PCBP3: variants seen among roughly 807,000 people sequenced by gnomAD.
PCBP3 encodes the protein poly(rC) binding protein 3, also known as poly(rC)-binding protein 3.
A neutral mutation model predicts 52.7 loss-of-function variants in PCBP3; 25 were observed. The ratio of observed to expected loss-of-function variants is 0.47; its 90% CI spans 0.35 to 0.66. PCBP3 has a LOEUF of 0.66. Ranked by LOEUF, PCBP3 falls within the 30% of genes least tolerant of loss-of-function variation. PCBP3 has a pLI of 0.01. For synonymous variants in PCBP3, 162 were observed against 183.0 expected, an observed-to-expected ratio of 0.89 and a Z score of 0.93; for missense variants, 391 against 490.3, an observed-to-expected ratio of 0.80 and a Z score of 1.91.
At chr21:45,891,591 C>T (rs1603470134) in intron 5 of PCBP3, among the ~76,000 whole-genome samples, 1 of 151,976 alleles carries the variant, frequency 6.6e-6, no homozygotes, top group Non-Finnish European at 1.5e-5. Context: ...GGAGTGGGAG[C>T]ACGGACCACA....
rs551686691 is a variant in PCBP3, at chr21:45,809,384, T to C, written c.-125-40577T>C. On this transcript the variant is annotated intron_variant, in intron 4 of 17. Transcript: ENST00000681687. ...CCACTCCACGCATTTAAAGAGAGCATGTTGAGTACAGAGAGTTGATTAGAA... is the reference window on the plus strand; with the variant it reads ...CCACTCCACGCATTTAAAGAGAGCACGTTGAGTACAGAGAGTTGATTAGAA... Among the ~76,000 whole-genome samples, 10 of 152,270 alleles carry C rather than the reference T, an allele frequency of 6.6e-5. No individual in the cohort carries two copies. In the South Asian group the frequency reaches 1.7e-3, roughly 25 times the overall value.
chr21:45,676,993 C>T (rs1569106019), intron 2 of PCBP3, among the ~76,000 whole-genome samples: 3 of 151,936 alleles, frequency 2.0e-5, no homozygotes, highest in African/African-American at 4.8e-5. Flanking sequence ...AGCTGGTCTC[C>T]AACTCTTGGC....
rs544295806 is a variant in PCBP3 at position 45,725,449 on chromosome 21, G to A, written c.-199-9943G>A. ...TGGAGGCACAGATGCCCTGGGCCTC[G>A]CAGCAAGCTTATCCTTAACAACCCA... On this transcript the variant is annotated intron_variant, in intron 2 of 17. Transcript: ENST00000681687. Among the ~76,000 whole-genome samples, 5 of 152,326 alleles carry A rather than the reference G, an allele frequency of 3.3e-5. No homozygotes were observed. In the South Asian group the frequency reaches 8.3e-4, roughly 25 times the overall value.
intron 4 of PCBP3, among the ~76,000 whole-genome samples, chr21:45,824,385 G>A (rs188169348): frequency 4.3e-4 from 66 of 152,332 alleles, no homozygotes; most frequent in African/African-American, 1.4e-3. Flanking sequence ...AGGGCATCAG[G>A]CAAGTCATGT....
At chr21:45,882,551 C>T (rs1377046248) in intron 5 of PCBP3, among the ~76,000 whole-genome samples, 3 of 151,984 alleles carry the variant, frequency 2.0e-5, no homozygotes, top group Non-Finnish European at 4.4e-5. Flanking sequence ...CTACTTTCTG[C>T]TTTTGTTGCC....
chr21:45,874,480 A>C (rs114967830), intron 5 of PCBP3, among the ~76,000 whole-genome samples: 2,821 of 147,114 alleles, frequency 0.019, 85 homozygotes, highest in African/African-American at 0.067. Context: ...TGATGGCCTT[A>C]TACATGGTAT....
Position 45,821,945 on chromosome 21 carries a change from A to C in PCBP3, c.-125-28016A>C, listed in dbSNP as rs1300574872. On this transcript the variant is annotated intron_variant, in intron 4 of 17. Coordinates refer to ENST00000681687, the MANE Select transcript of PCBP3 (RefSeq NM_001384156.1). The surrounding 1 kb of genome is among the most constrained non-coding windows in gnomAD (Gnocchi z 4.4). ...CGACACCTGCTCTCATCATTTTCCTACCTTCTCTTTCCTGACAACTTAGCT... is the reference window on the plus strand; with the variant it reads ...CGACACCTGCTCTCATCATTTTCCTCCCTTCTCTTTCCTGACAACTTAGCT... Among the ~76,000 whole-genome samples the C allele has an allele frequency of 6.6e-6, 1 of 152,030 alleles. No homozygotes were observed. The highest frequency in any genetic ancestry group is 6.6e-5 in the Admixed American group (1 of 15,264).
rs756792456 is a variant in PCBP3 at position 45,724,747 on chromosome 21, C to T, written c.-199-10645C>T. On this transcript the variant is annotated intron_variant, in intron 2 of 17. Transcript: ENST00000681687. The surrounding 1 kb of genome is among the most constrained non-coding windows in gnomAD (Gnocchi z 5.3). Reference sequence around the variant, plus strand: ...TGGAGTGGCACTCTGTAACCCGCCCCCCCTCAGCTGGAGTGGCACTCTGTT... The same window carrying T: ...TGGAGTGGCACTCTGTAACCCGCCCTCCCTCAGCTGGAGTGGCACTCTGTT... 1.3e-5 allele frequency among the ~76,000 whole-genome samples: 2 copies of T among 151,832 alleles called. No individual in the cohort carries two copies. Among genetic ancestry groups the T allele is most frequent in the Non-Finnish European group, 2.9e-5 (2 of 67,946 alleles).
At chr21:45,896,181 A>G (rs1368617200) in intron 5 of PCBP3, 27 bp from the exon 6 acceptor site, 6 of 1,549,172 alleles carry the variant, frequency 3.9e-6, no homozygotes, top group Non-Finnish European at 4.4e-6. Context: ...ACTCTTCTCT[A>G]GCAGCAGCTG....
chr21:45,646,146 T>TGTGTGTGTGTG (rs1569070571), intron 1 of PCBP3, among the ~76,000 whole-genome samples: 13 of 148,110 alleles, frequency 8.8e-5, no homozygotes, highest in South Asian at 4.3e-4. Flanking sequence ...TGTGTGTGTG[T>TGTGTGTGTGTG]TTTGGGGCAG....
intron 5 of PCBP3, among the ~76,000 whole-genome samples, chr21:45,879,454 G>A (rs2095348060): frequency 6.6e-6 from 1 of 152,172 alleles, no homozygotes; most frequent in Admixed American, 6.5e-5. Flanking sequence ...ATAGAAAAAG[G>A]ACTGGGAGAA....
At chr21:45,775,029 T>C (rs926495860) in intron 4 of PCBP3, among the ~76,000 whole-genome samples, 2 of 152,190 alleles carry the variant, frequency 1.3e-5, no homozygotes, top group Non-Finnish European at 2.9e-5. Context: ...CCTTGTAGAA[T>C]GAATTAGGAA....
intron 5 of PCBP3, among the ~76,000 whole-genome samples, chr21:45,890,781 GATA>G (rs1423355235): frequency 4.6e-5 from 7 of 150,886 alleles, no homozygotes; most frequent in Non-Finnish European, 8.8e-5. Context: ...TGGGAATGTA[GATA>G]ATAGAACCTG....
intron 4 of PCBP3, among the ~76,000 whole-genome samples, chr21:45,778,872 G>T (rs532933572): frequency 2.0e-4 from 30 of 152,304 alleles, no homozygotes; most frequent in Non-Finnish European, 3.1e-4. Context: ...GCTGGGTGAA[G>T]AGTGGGAGCA....
intron 4 of PCBP3, among the ~76,000 whole-genome samples, chr21:45,834,445 G>C (rs111459187): frequency 0.029 from 4,445 of 152,284 alleles, 238 homozygotes; most frequent in African/African-American, 0.1. Flanking sequence ...TAGGGGTGGC[G>C]TCCCCATGCA....
intron 5 of PCBP3, among the ~76,000 whole-genome samples, chr21:45,878,663 C>A (rs1247470252): frequency 6.6e-6 from 1 of 152,208 alleles, no homozygotes; most frequent in Non-Finnish European, 1.5e-5. Context: ...CCCACAGAGG[C>A]TTTGGAACTA....
intron 13 of PCBP3, among the ~76,000 whole-genome samples, chr21:45,926,813 C>T (rs996024352): frequency 6.6e-6 from 1 of 152,096 alleles, no homozygotes; most frequent in Non-Finnish European, 1.5e-5. Context: ...GATCAGGGGA[C>T]GATTTCTTAA....
intron 4 of PCBP3, among the ~76,000 whole-genome samples, chr21:45,785,761 G>A (rs1212395462): frequency 6.6e-6 from 1 of 150,800 alleles, no homozygotes; most frequent in East Asian, 1.9e-4. Flanking sequence ...AGGTAGACAT[G>A]GGAGACTTTT....
intron 2 of PCBP3, among the ~76,000 whole-genome samples, chr21:45,672,958 G>A (rs908915315): frequency 1.3e-5 from 2 of 152,134 alleles, no homozygotes; most frequent in African/African-American, 4.8e-5. Context: ...TAGACAGTTG[G>A]CATTCCTTTT....
Sources: gnomAD v4.1 joint callset for allele counts (sites outside exome capture counted in the v4.1 genomes callset) on GRCh38, gnomAD v4.1.1 for gene constraint, Gnocchi (gnomAD v3.1) non-coding constraint, MANE v1.5 for transcripts, NCBI Gene and HGNC (gene_info 2026-07-23, HGNC 2026-07-21) for gene names.